VTI1A: variants seen among roughly 807,000 people sequenced by gnomAD.
The protein encoded by VTI1A is vesicle transport through interaction with t-SNAREs homolog 1A.
Under a neutral mutation model 34.9 loss-of-function variants are expected in VTI1A, and 22 were observed. The observed-to-expected ratio is 0.63, with a 90% CI of 0.45 to 0.90. The LOEUF (loss-of-function observed/expected upper bound fraction) is 0.90. VTI1A is among the 40% of genes least tolerant of loss of function. The pLI is 0.00. For synonymous variants in VTI1A, 87 were observed against 97.3 expected, an observed-to-expected ratio of 0.89 and a Z score of 0.62; for missense variants, 268 against 275.6, an observed-to-expected ratio of 0.97 and a Z score of 0.20.
At chr10:112,598,031 G>T (rs566877992) in intron 5 of VTI1A, among the ~76,000 whole-genome samples, 99 of 152,242 alleles carry the variant, frequency 6.5e-4, no homozygotes, top group Middle Eastern at 3.4e-3. Context: ...AAAACAGAAT[G>T]AAACAACCTA....
downstream of VTI1A, among the ~76,000 whole-genome samples, chr10:112,823,065 G>A (rs534039647): frequency 6.6e-6 from 1 of 152,192 alleles, no homozygotes; most frequent in Non-Finnish European, 1.5e-5. Context: ...TGCCCCCTGA[G>A]ATGAATGCAC....
At chr10:112,680,452 A>T (rs1050559697) in intron 7 of VTI1A, among the ~76,000 whole-genome samples, 1 of 152,216 alleles carries the variant, frequency 6.6e-6, no homozygotes, top group Non-Finnish European at 1.5e-5. Flanking sequence ...CCCTGGTTTT[A>T]GCCACAGAAA....
intron 3 of VTI1A, 112 bp from the exon 4 acceptor site, chr10:112,526,973 GGT>G: frequency 2.9e-5 from 26 of 888,424 alleles, no homozygotes; most frequent in Non-Finnish European, 8.6e-6. Flanking sequence ...GTAGCCAATA[GGT>G]TTCCATTAGG....
chr10:112,457,180 G>C (rs930346697), intron 1 of VTI1A, among the ~76,000 whole-genome samples: 1 of 152,130 alleles, frequency 6.6e-6, no homozygotes, highest in Non-Finnish European at 1.5e-5. Flanking sequence ...GAAATGTCGA[G>C]GACCTTAACT....
chr10:112,542,775 A>G (rs527534059), intron 5 of VTI1A, among the ~76,000 whole-genome samples: 1 of 152,120 alleles, frequency 6.6e-6, no homozygotes, highest in Non-Finnish European at 1.5e-5. Context: ...GAGATTAAGT[A>G]ATTATGTCCA....
At chr10:112,543,594 G>A (rs1210937975) in intron 5 of VTI1A, among the ~76,000 whole-genome samples, 1 of 151,924 alleles carries the variant, frequency 6.6e-6, no homozygotes, top group Non-Finnish European at 1.5e-5. Flanking sequence ...TTGTCAGATG[G>A]GTAGATTGCA....
intron 5 of VTI1A, among the ~76,000 whole-genome samples, chr10:112,586,796 T>C (rs2134417597): frequency 6.6e-6 from 1 of 152,318 alleles, no homozygotes; most frequent in African/African-American, 2.4e-5. Context: ...GAATTTCTCA[T>C]TTCCAACATC....
At chr10:112,609,486 C>G (rs1022249377) in intron 5 of VTI1A, among the ~76,000 whole-genome samples, 2 of 152,172 alleles carry the variant, frequency 1.3e-5, no homozygotes, top group Non-Finnish European at 2.9e-5. Context: ...TGTTAATTTT[C>G]AAAGTCCTCT....
intron 5 of VTI1A, among the ~76,000 whole-genome samples, chr10:112,660,836 A>G (rs1847419329): frequency 6.6e-6 from 1 of 152,238 alleles, no homozygotes; most frequent in South Asian, 2.1e-4. Flanking sequence ...CTCAAGAGCC[A>G]GTCAACAGAA....
At position 112,649,784 on chromosome 10, in the gene VTI1A, A is replaced by G. The variant is rs1846939378; in HGVS notation, c.428-18434A>G. On this transcript the variant is annotated intron_variant, in intron 5 of 7. Coordinates refer to ENST00000393077, the MANE Select transcript of VTI1A (RefSeq NM_145206.4). ...CTCCTAGGCTGCAAACCTGTATAGT[A>G]TGTTACTGTACTGAATACTATAGGC... Among the ~76,000 whole-genome samples, 5 of 152,322 alleles carry G rather than the reference A, an allele frequency of 3.3e-5. No homozygotes were observed. In the South Asian group the frequency reaches 1.0e-3, roughly 32 times the overall value.
intron 1 of VTI1A, among the ~76,000 whole-genome samples, chr10:112,447,857 G>A (rs1820957950): frequency 6.6e-6 from 1 of 152,180 alleles, no homozygotes; most frequent in African/African-American, 2.4e-5. Flanking sequence ...TGTTGTGTTA[G>A]TAATAATATT....
In VTI1A at chr10:112,757,351, A is replaced by ATTTTTTTTTTTTTTTTTTT. The variant is rs1175362768; in HGVS notation, c.561-57925_561-57907dup. ...CTTTCACCCTTTCTTTGTTGCTGTG[A>ATTTTTTTTTTTTTTTTTTT]TTTTTTTTTTTTTTTTTTTTTTTTT... On this transcript the variant is annotated intron_variant, in intron 7 of 7. Transcript: ENST00000393077. 1.7e-4 allele frequency among the ~76,000 whole-genome samples: 7 copies of ATTTTTTTTTTTTTTTTTTT among 40,670 alleles called. 2 individuals carry two copies. The highest frequency in any genetic ancestry group is 2.6e-4 in the Non-Finnish European group (6 of 23,250). 26.7% of individuals were successfully genotyped at this position (40,670 alleles called of 152,430 possible).
intron 7 of VTI1A, among the ~76,000 whole-genome samples, chr10:112,746,038 C>T (rs1850882421): frequency 1.3e-5 from 2 of 152,180 alleles, no homozygotes; most frequent in African/African-American, 4.8e-5. Context: ...AGTACATAGC[C>T]ATTGGTCAAC....
chr10:112,466,639 G>T (rs1257704377), intron 3 of VTI1A, among the ~76,000 whole-genome samples: 1 of 152,082 alleles, frequency 6.6e-6, no homozygotes, highest in Non-Finnish European at 1.5e-5. Flanking sequence ...CAATATAAAT[G>T]ATGAAAGCAA....
Position 112,557,503 on chromosome 10 carries a change from A to G in VTI1A, c.427+19173A>G, listed in dbSNP as rs1285667581. ...TGAAAAATATTGCTGAAGATTTCCT[A>G]TAGTCTGTAGAAATGTCATTTTGGA... On this transcript the variant is annotated intron_variant, in intron 5 of 7. Coordinates refer to ENST00000393077, the MANE Select transcript of VTI1A (RefSeq NM_145206.4). Among the ~76,000 whole-genome samples the G allele has an allele frequency of 2.6e-5, 4 of 152,310 alleles. No homozygotes were observed. In the East Asian group the frequency reaches 7.7e-4, roughly 29 times the overall value.
chr10:112,821,118 G>C (rs925696626), downstream of VTI1A, among the ~76,000 whole-genome samples: 9 of 152,322 alleles, frequency 5.9e-5, no homozygotes, highest in Admixed American at 2.0e-4. Context: ...CATCACAGAG[G>C]GGGCAGTCGC....
In VTI1A at chr10:112,744,890, G is replaced by A. The variant is rs1312270698; in HGVS notation, c.561-70400G>A. 2.0e-5 allele frequency among the ~76,000 whole-genome samples: 3 copies of A among 152,160 alleles called. No individual in the cohort carries two copies. The East Asian group carries it at 5.8e-4, about 29-fold the overall frequency. On this transcript the variant is annotated intron_variant, in intron 7 of 7. Coordinates refer to ENST00000393077, the MANE Select transcript of VTI1A (RefSeq NM_145206.4). Reference sequence around the variant, plus strand: ...CCTCACAGCAAACTGAGATATCCAGGGGTAGAACAGGTTTTGTGGGACCTG... The same window carrying A: ...CCTCACAGCAAACTGAGATATCCAGAGGTAGAACAGGTTTTGTGGGACCTG...
intron 5 of VTI1A, among the ~76,000 whole-genome samples, chr10:112,550,436 A>G (rs957841268): frequency 6.6e-6 from 1 of 150,574 alleles, no homozygotes; most frequent in African/African-American, 2.5e-5. Context: ...ATGGGTTTGC[A>G]TTGGACTAAG....
intron 7 of VTI1A, among the ~76,000 whole-genome samples, chr10:112,758,893 C>T (rs1044576865): frequency 1.3e-5 from 2 of 152,146 alleles, no homozygotes; most frequent in Non-Finnish European, 1.5e-5. Flanking sequence ...CGAAACCAGC[C>T]GGGGCAACAT....
Sources: gnomAD v4.1 joint callset for allele counts (sites outside exome capture counted in the v4.1 genomes callset) on GRCh38, gnomAD v4.1.1 for gene constraint, MANE v1.5 for transcripts, NCBI Gene and HGNC (gene_info 2026-07-23, HGNC 2026-07-21) for gene names.